Variants in PPP1R16B observed in about 807,000 individuals in gnomAD.
PPP1R16B encodes protein phosphatase 1 regulatory subunit 16B.
A neutral mutation model predicts 61.7 loss-of-function variants in PPP1R16B; 14 were observed. The observed-to-expected ratio is 0.23, with a 90% confidence interval of 0.15 to 0.35. The LOEUF (loss-of-function observed/expected upper bound fraction) is 0.35. Among genes scored for constraint, PPP1R16B ranks in the 10% least tolerant of loss-of-function variants. The pLI is 1.00. For synonymous variants in PPP1R16B, 266 were observed against 305.3 expected (o/e 0.87, Z 1.34); for missense variants, 547 against 752.5 (o/e 0.73, Z 3.19).
chr20:38,842,317 G>GC (rs1214079135), intron 2 of PPP1R16B, among the ~76,000 whole-genome samples: 1 of 152,098 alleles, frequency 6.6e-6, no homozygotes, highest in Admixed American at 6.5e-5. Context: ...TTGATTTGGG[G>GC]CCCCCAAGAT....
Position 38,898,607 on chromosome 20 carries a change from C to A in PPP1R16B, c.468-1974C>A, listed in dbSNP as rs561396586. ...GGTGGACCACTTGAGGTCAGGAGTT[C>A]GATACCAGTCTGGCCAACATAGTGA... On this transcript the variant is annotated intron_variant, in intron 4 of 10. Transcript: ENST00000299824. Among the ~76,000 whole-genome samples, 6 of 152,146 alleles carry A rather than the reference C, an allele frequency of 3.9e-5. No individual in the cohort carries two copies. The East Asian group carries it at 1.2e-3, about 29-fold the overall frequency.
intron 2 of PPP1R16B, among the ~76,000 whole-genome samples, chr20:38,839,268 A>G (rs186635746): frequency 1.4e-4 from 22 of 152,300 alleles, no homozygotes; most frequent in Admixed American, 1.1e-3. Flanking sequence ...CTTGCCCTCA[A>G]GAGGGTATGG....
At chr20:38,830,001 C>T (rs1342797340) in intron 1 of PPP1R16B, among the ~76,000 whole-genome samples, 2 of 152,346 alleles carry the variant, frequency 1.3e-5, no homozygotes, top group East Asian at 3.8e-4. Context: ...ATTGTTCTCA[C>T]CTTTCTCCAG....
intron 1 of PPP1R16B, among the ~76,000 whole-genome samples, chr20:38,835,408 A>G (rs1263118914): frequency 6.6e-6 from 1 of 152,206 alleles, no homozygotes; most frequent in African/African-American, 2.4e-5. Context: ...TCTATACAAG[A>G]AAACTAAAAT....
At position 38,835,979 on chromosome 20, in the gene PPP1R16B, C is replaced by A; in HGVS notation, c.54C>A (p.Pro18=). The A allele has an allele frequency of 6.4e-7, 1 of 1,552,634 alleles. No homozygotes were observed. Among genetic ancestry groups the A allele is most frequent in the Non-Finnish European group, 8.7e-7 (1 of 1,149,636 alleles). The change falls in exon 2 of 11, where the codon CCC becomes CCA. Residue 18 remains proline, a synonymous_variant. Coordinates refer to ENST00000299824, the MANE Select transcript of PPP1R16B (RefSeq NM_015568.4). ...AGCTGCAGCTGCTGGAGAAGGTGCC[C>A]ACGCTGGAGCGGCTGCGGGCTGCCC... is the stretch of plus-strand genomic sequence containing the variant. ...LTELQLLEKV[P]TLERLRAAQK...
At chr20:38,831,466 C>G (rs2084836797) in intron 1 of PPP1R16B, among the ~76,000 whole-genome samples, 2 of 152,226 alleles carry the variant, frequency 1.3e-5, no homozygotes, top group African/African-American at 4.8e-5. Context: ...CAGAGTGGAG[C>G]TCTGGTTATT....
At chr20:38,885,148 G>T (rs1237903006) in intron 2 of PPP1R16B, among the ~76,000 whole-genome samples, 4 of 151,622 alleles carry the variant, frequency 2.6e-5, no homozygotes, top group African/African-American at 9.7e-5. Flanking sequence ...GAGGCCAAGA[G>T]TTTGAGACCA....
At chr20:38,834,445 G>A (rs1214273907) in intron 1 of PPP1R16B, among the ~76,000 whole-genome samples, 1 of 152,198 alleles carries the variant, frequency 6.6e-6, no homozygotes, top group Non-Finnish European at 1.5e-5. Context: ...AGTTCATAGA[G>A]TCCGTGCTGA....
At chr20:38,824,548 C>T (rs908516926) in intron 1 of PPP1R16B, among the ~76,000 whole-genome samples, 11 of 152,248 alleles carry the variant, frequency 7.2e-5, no homozygotes, top group African/African-American at 2.7e-4. Flanking sequence ...TCAGTTCCAT[C>T]CCACACTGGC....
In PPP1R16B at chr20:38,902,819, C is replaced by G. The variant is rs545569379; in HGVS notation, c.696+27C>G. ...TGAGGAGATGGGCCAGTACCAAAACCAAGACCAGCTAGGTCCGAAGTGGGC... is the reference window on the plus strand; with the variant it reads ...TGAGGAGATGGGCCAGTACCAAAACGAAGACCAGCTAGGTCCGAAGTGGGC... On this transcript the variant is annotated intron_variant, in intron 6 of 10. Coordinates refer to ENST00000299824, the MANE Select transcript of PPP1R16B (RefSeq NM_015568.4). 1.2e-5 allele frequency: 20 copies of G among 1,613,806 alleles called. 1 individual carries two copies. In the South Asian group the frequency reaches 1.5e-4, roughly 12 times the overall value.
rs761556740 is a variant in PPP1R16B at position 38,918,376 on chromosome 20, T to A, written c.1414T>A (p.Tyr472Asn). The change falls in exon 11 of 11, where the codon TAC becomes AAC. Residue 472 changes from tyrosine to asparagine, a missense_variant. Transcript: ENST00000299824. This position sits in a 1 kb window ranked among gnomAD's most constrained non-coding sequence, Gnocchi z 5.3. ...CGACGCCACCCCGCCCTGGAGCAGC[T>A]ACAAGGAACAGAGCCCTCAGACGCT... ...VADATPPWSS[Y>N]KEQSPQTLLE... The A allele has an allele frequency of 4.3e-6, 7 of 1,614,088 alleles. No homozygotes were observed. Among genetic ancestry groups the A allele is most frequent in the Non-Finnish European group, 4.2e-6 (5 of 1,180,022 alleles).
At chr20:38,812,067 C>T (rs2084704375) in intron 1 of PPP1R16B, among the ~76,000 whole-genome samples, 1 of 152,178 alleles carries the variant, frequency 6.6e-6, no homozygotes, top group Non-Finnish European at 1.5e-5. Context: ...GCTTGTGGAA[C>T]ATTTTGAATA....
chr20:38,868,504 C>A (rs781682624), intron 2 of PPP1R16B, among the ~76,000 whole-genome samples: 4 of 152,006 alleles, frequency 2.6e-5, no homozygotes, highest in African/African-American at 4.8e-5. Flanking sequence ...TCTGCCTCAG[C>A]CTCCTGAGTA....
chr20:38,897,196 T>G (rs1601300095), intron 4 of PPP1R16B, among the ~76,000 whole-genome samples: 2 of 151,458 alleles, frequency 1.3e-5, no homozygotes, highest in East Asian at 1.9e-4. Context: ...GTGTGGTGGC[T>G]CACGCCTGTA....
At chr20:38,821,985 AT>A (rs1568653043) in intron 1 of PPP1R16B, among the ~76,000 whole-genome samples, 9 of 146,556 alleles carry the variant, frequency 6.1e-5, no homozygotes, top group Admixed American at 2.8e-4. Flanking sequence ...CCTCAGAAAT[AT>A]ATATATATTA....
In PPP1R16B at chr20:38,907,451, A is replaced by G. The variant is rs1056874716; in HGVS notation, c.899-355A>G. 2.0e-5 allele frequency among the ~76,000 whole-genome samples: 3 copies of G among 152,146 alleles called. No individual in the cohort carries two copies. The highest frequency in any genetic ancestry group is 6.5e-5 in the Admixed American group (1 of 15,276). Reference sequence around the variant, plus strand: ...TGGATGAAGGGGTTAGGTAGAATAGATGGGAGTATGTAGCTTTATTAGCAT... The same window carrying G: ...TGGATGAAGGGGTTAGGTAGAATAGGTGGGAGTATGTAGCTTTATTAGCAT... On this transcript the variant is annotated intron_variant, in intron 8 of 10. Transcript: ENST00000299824. The surrounding 1 kb of genome is among the most constrained non-coding windows in gnomAD (Gnocchi z 4.5).
At chr20:38,816,046 T>C (rs2084733218) in intron 1 of PPP1R16B, among the ~76,000 whole-genome samples, 1 of 152,058 alleles carries the variant, frequency 6.6e-6, no homozygotes, top group Admixed American at 6.6e-5. Context: ...GTGAGGAGGC[T>C]TGAAATTCTC....
At chr20:38,813,057 C>G (rs2084711488) in intron 1 of PPP1R16B, among the ~76,000 whole-genome samples, 1 of 152,160 alleles carries the variant, frequency 6.6e-6, no homozygotes, top group African/African-American at 2.4e-5. Context: ...GGTGAGGGTT[C>G]CCTGGTGCAA....
intron 2 of PPP1R16B, among the ~76,000 whole-genome samples, chr20:38,857,188 A>T (rs1312168930): frequency 6.6e-6 from 1 of 152,206 alleles, no homozygotes; most frequent in Non-Finnish European, 1.5e-5. Flanking sequence ...AATTTCCATT[A>T]TCTATATAGA....
Sources: allele counts gnomAD v4.1 joint callset (sites outside exome capture counted in the v4.1 genomes callset), GRCh38; gene constraint gnomAD v4.1.1; non-coding constraint Gnocchi (gnomAD v3.1); transcripts MANE v1.5; gene names NCBI Gene and HGNC (gene_info 2026-07-23, HGNC 2026-07-21).